LNX1: variants seen among roughly 807,000 people sequenced by gnomAD.
The protein encoded by LNX1 is E3 ubiquitin-protein ligase LNX.
Under a neutral mutation model 68.4 loss-of-function variants are expected in LNX1, and 54 were observed. The observed-to-expected ratio is 0.79, with a 90% confidence interval of 0.63 to 0.99. The LOEUF (loss-of-function observed/expected upper bound fraction) is 0.99. Ranked by LOEUF, LNX1 falls within the 50% of genes least tolerant of loss-of-function variation. The pLI is 0.00. For synonymous variants in LNX1, 336 were observed against 350.0 expected (o/e 0.96, Z 0.45); for missense variants, 906 against 926.4 (o/e 0.98, Z 0.29).
chr4:53,628,826 T>A (rs1456591928), intron 1 of LNX1, among the ~76,000 whole-genome samples: 3 of 151,924 alleles, frequency 2.0e-5, no homozygotes, highest in Non-Finnish European at 2.9e-5. Context: ...TCTTTTACAA[T>A]GACTTGGACG....
intron 2 of LNX1, among the ~76,000 whole-genome samples, chr4:53,616,052 C>T (rs982092982): frequency 2.0e-5 from 3 of 152,134 alleles, no homozygotes; most frequent in African/African-American, 7.2e-5. Context: ...TCACCACCCC[C>T]GTCCTTCCAA....
At chr4:53,644,388 T>TGA (rs144220715) in intron 1 of LNX1, among the ~76,000 whole-genome samples, 17,355 of 151,784 alleles carry the variant, frequency 0.11, 1,142 homozygotes, top group Non-Finnish European at 0.16. Flanking sequence ...GGCAACAGAG[T>TGA]GAGAGTCTAT....
intron 2 of LNX1, among the ~76,000 whole-genome samples, chr4:53,555,917 T>C (rs1729879435): frequency 1.3e-5 from 2 of 152,142 alleles, no homozygotes; most frequent in South Asian, 4.2e-4. Context: ...GGACCTTCCT[T>C]CAATTAGGCT....
chr4:53,460,334 GAGGT>G lies in LNX1; in HGVS notation c.*569_*572del. ...CGAGCATTTTTAGGGATAAGCCTAG[GAGGT>G]ATTCATCGGTGATGGTAACAAATAA... On this transcript the variant is annotated 3_prime_UTR_variant, in exon 11 of 11. Transcript: ENST00000263925. 5.3e-6 allele frequency: 1 copy of G among 190,132 alleles called. No individual in the cohort carries two copies. The allele number at this position is 190,132 out of a possible 1,614,324, so 11.8% of individuals were successfully genotyped here.
At chr4:53,566,000 A>G (rs921893700) in intron 2 of LNX1, among the ~76,000 whole-genome samples, 6 of 152,076 alleles carry the variant, frequency 3.9e-5, no homozygotes, top group African/African-American at 1.4e-4. Context: ...GGACTATGTG[A>G]AGAGACCAAA....
intron 2 of LNX1, among the ~76,000 whole-genome samples, chr4:53,554,838 C>T (rs559421171): frequency 1.9e-4 from 28 of 145,584 alleles, no homozygotes; most frequent in Admixed American, 3.4e-4. Context: ...GGCAACAGAG[C>T]GAGACTCTGT....
intron 2 of LNX1, among the ~76,000 whole-genome samples, chr4:53,609,030 C>A (rs931483257): frequency 2.6e-5 from 4 of 152,016 alleles, no homozygotes; most frequent in African/African-American, 9.7e-5. Context: ...CTACAATAAC[C>A]AAAACAGCGT....
At chr4:53,508,512 G>C (rs1273590691) in intron 2 of LNX1, 10 of 381,594 alleles carry the variant, frequency 2.6e-5, no homozygotes, top group African/African-American at 1.0e-4. Context: ...AGGTCACCAT[G>C]GTGTCTACAT....
chr4:53,461,100 T>A, intron 10 of LNX1, 58 bp from the exon 11 acceptor site: 1 of 1,431,506 alleles, frequency 7.0e-7, no homozygotes, highest in Non-Finnish European at 9.4e-7. Context: ...CTGAAGTTAA[T>A]GCAAGTTTAT....
intron 1 of LNX1, among the ~76,000 whole-genome samples, chr4:53,651,734 A>G (rs1323253956): frequency 3.9e-5 from 6 of 152,036 alleles, no homozygotes; most frequent in Non-Finnish European, 8.8e-5. Flanking sequence ...TGCAACACCT[A>G]CTCCTACTGT....
In LNX1 at chr4:53,459,395, G is replaced by C. The variant is rs751358491; in HGVS notation, c.*1512C>G. ...AAAGAAGCAAAGAAGGAAAAGAAGC[G>C]GGCAGTGAGCCTGCCCCTGAACAGG... On this transcript the variant is annotated 3_prime_UTR_variant, in exon 11 of 11. Transcript: ENST00000263925. 2 of 1,612,468 alleles carry C rather than the reference G, an allele frequency of 1.2e-6. No individual in the cohort carries two copies. The highest frequency in any genetic ancestry group is 1.7e-6 in the Non-Finnish European group (2 of 1,179,516).
chr4:53,564,640 G>C (rs1275095737), intron 2 of LNX1, among the ~76,000 whole-genome samples: 1 of 152,142 alleles, frequency 6.6e-6, no homozygotes, highest in Non-Finnish European at 1.5e-5. Context: ...TTGGGGAGGA[G>C]CCAAGATGGC....
chr4:53,551,148 C>A (rs1202229714), intron 2 of LNX1, among the ~76,000 whole-genome samples: 2 of 152,040 alleles, frequency 1.3e-5, no homozygotes, highest in Admixed American at 6.5e-5. Flanking sequence ...TGGGGCCTAC[C>A]ACATTTTGCA....
At chr4:53,518,156 G>T (rs1369793934) in intron 2 of LNX1, among the ~76,000 whole-genome samples, 1 of 152,182 alleles carries the variant, frequency 6.6e-6, no homozygotes, top group Non-Finnish European at 1.5e-5. Context: ...GCTTGTCAGG[G>T]TGCGGCCAGG....
chr4:53,481,048 G>A lies in LNX1; in HGVS notation c.1485+672C>T, dbSNP rs113116041. Among the ~76,000 whole-genome samples, 1,025 of 152,290 alleles carry A rather than the reference G, an allele frequency of 6.7e-3. 12 individuals are homozygous for A. Among genetic ancestry groups the A allele is most frequent in the African/African-American group, 0.024 (986 of 41,560 alleles). On this transcript the variant is annotated intron_variant, in intron 7 of 10. Transcript: ENST00000263925. ...GCTTAAACACGCATCCAAATGAAGA[G>A]GTTAAGGCATTGCCTCTAATAGAAG...
At chr4:53,568,389 C>CA (rs1730863753) in intron 2 of LNX1, among the ~76,000 whole-genome samples, 1 of 151,810 alleles carries the variant, frequency 6.6e-6, no homozygotes. Flanking sequence ...GAGCCAAAGA[C>CA]AAAAACCACA....
In LNX1 at chr4:53,578,546, G is replaced by A. The variant is rs150971831; in HGVS notation, c.-86-4458C>T. On this transcript the variant is annotated intron_variant, in intron 1 of 10. Coordinates refer to ENST00000263925, the MANE Select transcript of LNX1 (RefSeq NM_001126328.3). ...ACCATCATATGTGGAGTCTGTCATT[G>A]ACCAACATGTCGTTATGGGGTCCAT... 3.1e-3 allele frequency among the ~76,000 whole-genome samples: 475 copies of A among 152,258 alleles called. 3 individuals are homozygous for A. Among genetic ancestry groups the A allele is most frequent in the African/African-American group, 0.011 (460 of 41,538 alleles).
intron 2 of LNX1, among the ~76,000 whole-genome samples, chr4:53,615,105 T>C (rs1345895762): frequency 6.6e-6 from 1 of 152,116 alleles, no homozygotes; most frequent in Non-Finnish European, 1.5e-5. Context: ...TAATTACACA[T>C]GCCCCACAGG....
chr4:53,551,283 A>G (rs1179096614), intron 2 of LNX1, among the ~76,000 whole-genome samples: 6 of 152,140 alleles, frequency 3.9e-5, no homozygotes, highest in Admixed American at 6.5e-5. Flanking sequence ...CCCTCCCCAC[A>G]ATGAGGAATG....
Sources: allele counts gnomAD v4.1 joint callset (sites outside exome capture counted in the v4.1 genomes callset), GRCh38; gene constraint gnomAD v4.1.1; transcripts MANE v1.5; gene names NCBI Gene and HGNC (gene_info 2026-07-23, HGNC 2026-07-21).